DLGAP1: variants seen among roughly 807,000 people sequenced by gnomAD.
DLGAP1 encodes disks large-associated protein 1.
DLGAP1 carries 11 observed loss-of-function variants against 90.8 expected under a neutral mutation model. That is an observed-to-expected ratio of 0.12 (90% CI 0.08 to 0.20). DLGAP1 has a LOEUF of 0.20. DLGAP1 is among the 10% of genes least tolerant of loss of function. The pLI is 1.00. For synonymous variants in DLGAP1, 558 were observed against 540.7 expected (o/e 1.03, Z -0.44); for missense variants, 1,050 against 1,333.8 (o/e 0.79, Z 3.31).
At chr18:4,340,146 ATAAC>A (rs1325694965) in intron 1 of DLGAP1, among the ~76,000 whole-genome samples, 6 of 152,212 alleles carry the variant, frequency 3.9e-5, no homozygotes, top group Non-Finnish European at 7.3e-5. Flanking sequence ...ATTAACAACA[ATAAC>A]TAATAATTAT....
At chr18:4,148,424 T>A (rs1310139530) in intron 2 of DLGAP1, among the ~76,000 whole-genome samples, 1 of 152,204 alleles carries the variant, frequency 6.6e-6, no homozygotes, top group East Asian at 1.9e-4. Flanking sequence ...AAAGCAGACA[T>A]GATCAGAATT....
At chr18:3,589,236 G>T (rs2056093581) in intron 7 of DLGAP1, among the ~76,000 whole-genome samples, 1 of 152,120 alleles carries the variant, frequency 6.6e-6, no homozygotes, top group Admixed American at 6.6e-5. Context: ...CTTCAGGAAG[G>T]CCTGGGCCAG....
At chr18:4,221,567 A>G (rs1304463927) in intron 1 of DLGAP1, among the ~76,000 whole-genome samples, 1 of 152,116 alleles carries the variant, frequency 6.6e-6, no homozygotes. Context: ...AAGACCAACG[A>G]TGCCTCAGAA....
At chr18:4,264,158 G>C (rs945946653) in intron 1 of DLGAP1, among the ~76,000 whole-genome samples, 4 of 152,194 alleles carry the variant, frequency 2.6e-5, no homozygotes, top group Non-Finnish European at 5.9e-5. Context: ...AAAGGATGTT[G>C]AGATTTCTTG....
intron 1 of DLGAP1, among the ~76,000 whole-genome samples, chr18:4,298,078 A>C (rs1160943618): frequency 1.3e-5 from 2 of 152,124 alleles, no homozygotes; most frequent in Non-Finnish European, 2.9e-5. Flanking sequence ...CTAACCTGTT[A>C]GCTTGCAAGT....
chr18:3,639,824 G>A lies in DLGAP1; in HGVS notation c.1592-57576C>T, dbSNP rs539093320. ...GGCTGGAGTGCAGTGGCGCGATCTC[G>A]GCTCACTGCAAGCTCCGCCTCCTGG... On this transcript the variant is annotated intron_variant, in intron 7 of 12. Transcript: ENST00000315677. Among the ~76,000 whole-genome samples the A allele has an allele frequency of 1.8e-4, 24 of 136,020 alleles. 1 individual carries two copies. Among genetic ancestry groups the A allele is most frequent in the Non-Finnish European group, 3.2e-4 (21 of 64,738 alleles). The allele number at this position is 136,020 out of a possible 152,430, so 89.2% of individuals were successfully genotyped here.
In DLGAP1 at chr18:4,101,901, A is replaced by G. The variant is rs557383574; in HGVS notation, c.-159+49279T>C. 3.7e-4 allele frequency among the ~76,000 whole-genome samples: 57 copies of G among 152,080 alleles called. 2 individuals carry two copies. In the South Asian group the frequency reaches 0.011, roughly 31 times the overall value. On this transcript the variant is annotated intron_variant, in intron 2 of 12. Coordinates refer to ENST00000315677, the MANE Select transcript of DLGAP1 (RefSeq NM_004746.4). ...AGATCTATATTCATATATATTACAT[A>G]TGTGTGTATAATGCATATATGTATG...
intron 7 of DLGAP1, among the ~76,000 whole-genome samples, chr18:3,624,196 C>T (rs910774723): frequency 6.6e-6 from 1 of 152,234 alleles, no homozygotes; most frequent in African/African-American, 2.4e-5. Context: ...TGTGCGTCAA[C>T]CTCTGGCCAG....
intron 3 of DLGAP1, among the ~76,000 whole-genome samples, chr18:3,934,658 C>A (rs1030444466): frequency 5.3e-5 from 8 of 152,134 alleles, no homozygotes; most frequent in African/African-American, 1.9e-4. Context: ...TGGCAGACAG[C>A]AGTATCAAAG....
At chr18:3,866,685 TAAAG>T (rs1350887586) in intron 4 of DLGAP1, among the ~76,000 whole-genome samples, 1 of 152,094 alleles carries the variant, frequency 6.6e-6, no homozygotes, top group Non-Finnish European at 1.5e-5. Flanking sequence ...GGAAAATTAA[TAAAG>T]AAAGGCATAA....
intron 3 of DLGAP1, among the ~76,000 whole-genome samples, chr18:3,991,336 CTCTG>C (rs1297294836): frequency 2.0e-5 from 3 of 152,156 alleles, no homozygotes; most frequent in African/African-American, 2.4e-5. Flanking sequence ...TTACTCATCT[CTCTG>C]TATTTCCGGT....
intron 10 of DLGAP1, 54 bp downstream of exon 10, chr18:3,534,140 A>G: frequency 6.4e-7 from 1 of 1,564,850 alleles, no homozygotes; most frequent in Non-Finnish European, 8.7e-7. Context: ...GTCTGCACAC[A>G]CAAAGCAACC....
At chr18:3,605,555 C>G (rs1162808163) in intron 7 of DLGAP1, among the ~76,000 whole-genome samples, 1 of 152,226 alleles carries the variant, frequency 6.6e-6, no homozygotes, top group African/African-American at 2.4e-5. Context: ...TCCTTTAACA[C>G]TTAAGTATCT....
intron 1 of DLGAP1, among the ~76,000 whole-genome samples, chr18:4,424,222 G>T (rs886256799): frequency 6.6e-6 from 1 of 152,124 alleles, no homozygotes. Context: ...AATTTACTGG[G>T]CATAGTGGAA....
At chr18:4,045,903 G>A (rs1294643826) in intron 2 of DLGAP1, among the ~76,000 whole-genome samples, 1 of 150,734 alleles carries the variant, frequency 6.6e-6, no homozygotes, top group Non-Finnish European at 1.5e-5. Context: ...GCCTCCCAAA[G>A]TGCTGGGGTT....
In DLGAP1 at chr18:3,917,524, ATT is replaced by A. The variant is rs565868190; in HGVS notation, c.-72-37386_-72-37385del. 4.2e-3 allele frequency among the ~76,000 whole-genome samples: 605 copies of A among 143,144 alleles called. 4 individuals are homozygous for A. Among genetic ancestry groups the A allele is most frequent in the African/African-American group, 0.015 (574 of 38,950 alleles). 93.9% of individuals were successfully genotyped at this position (143,144 alleles called of 152,430 possible). A position where few individuals can be genotyped will look rare whatever the true frequency, so the allele number is the denominator to read the frequency against. On this transcript the variant is annotated intron_variant, in intron 3 of 12. Transcript: ENST00000315677. Reference sequence around the variant, plus strand: ...AATATTACTGTATATGTTATATAATATTTGACATCATTTTATAGAGTAATGAT... The same window carrying A: ...AATATTACTGTATATGTTATATAATATGACATCATTTTATAGAGTAATGAT...
At chr18:4,430,360 C>T (rs539154858) in intron 1 of DLGAP1, among the ~76,000 whole-genome samples, 2 of 152,108 alleles carry the variant, frequency 1.3e-5, no homozygotes, top group South Asian at 4.2e-4. Context: ...TTCTAGATCC[C>T]AGTTTTTATA....
chr18:3,580,447 T>C, intron 8 of DLGAP1: 2 of 1,612,822 alleles, frequency 1.2e-6, no homozygotes, highest in Non-Finnish European at 8.5e-7. Context: ...GCTACACCTC[T>C]GCCAGCTCCC....
At chr18:3,715,740 T>C (rs1418021522) in intron 7 of DLGAP1, among the ~76,000 whole-genome samples, 1 of 152,208 alleles carries the variant, frequency 6.6e-6, no homozygotes, top group Non-Finnish European at 1.5e-5. Flanking sequence ...ACTGAAAGCA[T>C]GCCCTTGAGA....
Sources: allele counts gnomAD v4.1 joint callset (sites outside exome capture counted in the v4.1 genomes callset), GRCh38; gene constraint gnomAD v4.1.1; transcripts MANE v1.5; gene names NCBI Gene and HGNC (gene_info 2026-07-23, HGNC 2026-07-21).